Variants in SLC6A4 observed in about 807,000 individuals in gnomAD.
SLC6A4 encodes sodium-dependent serotonin transporter.
In SLC6A4, 22 loss-of-function variants were observed where a neutral mutation model predicts 73.4. The observed-to-expected ratio is 0.30, with a 90% CI of 0.21 to 0.43. The LOEUF (loss-of-function observed/expected upper bound fraction) is 0.43. Among genes scored for constraint, SLC6A4 ranks in the 20% least tolerant of loss-of-function variants. The pLI, the probability that SLC6A4 is intolerant of heterozygous loss-of-function variation, is 1.00. For synonymous variants in SLC6A4, 270 were observed against 315.5 expected, an observed-to-expected ratio of 0.86 and a Z score of 1.53; for missense variants, 593 against 808.5, an observed-to-expected ratio of 0.73 and a Z score of 3.23.
At chr17:30,220,093 G>A (rs892609875) in intron 3 of SLC6A4, among the ~76,000 whole-genome samples, 2 of 152,148 alleles carry the variant, frequency 1.3e-5, no homozygotes, top group Admixed American at 1.3e-4. Context: ...GGCAGGAAGC[G>A]CTGAGCTTCC....
intron 5 of SLC6A4, among the ~76,000 whole-genome samples, chr17:30,217,622 T>C (rs1423151015): frequency 2.0e-5 from 3 of 151,954 alleles, no homozygotes; most frequent in African/African-American, 7.3e-5. Context: ...GTGTGGGGAG[T>C]TGGCTCCCTT....
In SLC6A4 at chr17:30,197,407, T is replaced by C. The variant is rs1905897791; in HGVS notation, c.*1049A>G. 6.6e-6 allele frequency: 1 copy of C among 152,418 alleles called. No homozygotes were observed. Among genetic ancestry groups the C allele is most frequent in the South Asian group, 2.1e-4 (1 of 4,816 alleles). 9.4% of individuals were successfully genotyped at this position (152,418 alleles called of 1,614,324 possible). ...AACCCAGTGCTAAACGAGAATCCGA[T>C]TTACCCTCCTCTCTTCACCGAGCAA... On this transcript the variant is annotated 3_prime_UTR_variant, in exon 15 of 15. Transcript: ENST00000650711.
chr17:30,215,666 A>T lies in SLC6A4; in HGVS notation c.1021T>A (p.Phe341Ile). 6.2e-7 allele frequency: 1 copy of T among 1,614,164 alleles called. No individual in the cohort carries two copies. Among genetic ancestry groups the T allele is most frequent in the Non-Finnish European group, 8.5e-7 (1 of 1,180,020 alleles). Residue 341 changes from phenylalanine (F) to isoleucine (I), a missense_variant, in exon 8 of 15, where the codon TTT (phenylalanine) becomes ATT (isoleucine). Physicochemically the swap from Phe to Ile is conservative, Grantham distance 21 (BLOSUM62 0). Coordinates refer to ENST00000650711, the MANE Select transcript of SLC6A4 (RefSeq NM_001045.6). ...CTAGCAAAAGCCAGCAGGACCCCAA[A>T]GCCCGGACCAAGAGAGAAGAAGATC... ...AQIFFSLGPG[F>I]GVLLAFASYN... is the part of the protein sequence containing the mutation.
chr17:30,203,400 T>C, intron 13 of SLC6A4, 61 bp from the exon 14 acceptor site: 1 of 1,374,842 alleles, frequency 7.3e-7, no homozygotes, highest in South Asian at 1.2e-5. Flanking sequence ...GATAGAGATG[T>C]TTCCGATACC....
intron 8 of SLC6A4, 85 bp from the exon 9 acceptor site, chr17:30,212,952 T>G (rs975266676): frequency 5.5e-6 from 8 of 1,455,420 alleles, no homozygotes; most frequent in Non-Finnish European, 7.6e-6. Context: ...CTGCCCTGCC[T>G]TAGACAGGGC....
intron 12 of SLC6A4, among the ~76,000 whole-genome samples, chr17:30,208,518 T>C (rs925653776): frequency 6.6e-6 from 1 of 151,800 alleles, no homozygotes; most frequent in African/African-American, 2.4e-5. Context: ...TCTATGGAGA[T>C]TCACACACTT....
intron 4 of SLC6A4, 91 bp from the exon 5 acceptor site, chr17:30,218,428 G>T: frequency 1.0e-6 from 1 of 965,820 alleles, no homozygotes; most frequent in Non-Finnish European, 1.6e-6. Flanking sequence ...GAGCCCCGCA[G>T]CCCAGCAGAG....
At chr17:30,202,534 C>T (rs1377995543) in intron 14 of SLC6A4, among the ~76,000 whole-genome samples, 5 of 152,164 alleles carry the variant, frequency 3.3e-5, no homozygotes, top group Non-Finnish European at 7.3e-5. Context: ...ATAGGATAAT[C>T]GACATGCAGA....
rs56316081 is a variant in SLC6A4 at position 30,221,637 on chromosome 17, T to C, written c.322A>G (p.Ile108Val). The C allele has an allele frequency of 2.2e-5, 36 of 1,613,970 alleles. No homozygotes were observed. In the East Asian group the frequency reaches 6.9e-4, roughly 31 times the overall value. Residue 108 changes from isoleucine to valine, a missense_variant, in exon 3 of 15, where the codon ATA becomes GTA. Coordinates refer to ENST00000650711, the MANE Select transcript of SLC6A4 (RefSeq NM_001045.6). ...TGACCCCCTCCATTCTGGTAACATATGTAGGGGAAGCGCCAGACATTGCCC... is the reference window on the plus strand; with the variant it reads ...TGACCCCCTCCATTCTGGTAACATACGTAGGGGAAGCGCCAGACATTGCCC... ...DLGNVWRFPY[I>V]CYQNGGGAFL...
intron 1 of SLC6A4, among the ~76,000 whole-genome samples, chr17:30,233,202 G>A (rs1907166257): frequency 6.6e-6 from 1 of 152,172 alleles, no homozygotes; most frequent in South Asian, 2.1e-4. Flanking sequence ...TATGTTCCAT[G>A]GAACACCGCA....
intron 4 of SLC6A4, 107 bp from the exon 5 acceptor site, chr17:30,218,444 C>T (rs1217634327): frequency 4.8e-6 from 4 of 827,042 alleles, no homozygotes; most frequent in Non-Finnish European, 5.9e-6. Context: ...CAGAGGGGTA[C>T]ACGTGGGTGC....
At position 30,194,973 on chromosome 17, in the gene SLC6A4, G is replaced by A. The variant is rs979249776; in HGVS notation, c.*3483C>T. 1 of 152,186 alleles carries A rather than the reference G, an allele frequency of 6.6e-6. No homozygotes were observed. The highest frequency in any genetic ancestry group is 2.4e-5 in the African/African-American group (1 of 41,438). The allele number at this position is 152,186 out of a possible 1,614,324, so 9.4% of individuals were successfully genotyped here. On this transcript the variant is annotated 3_prime_UTR_variant, in exon 15 of 15. Transcript: ENST00000650711. Reference sequence around the variant, plus strand: ...TGGCTGGTGAAGAAAGTTTATTTTAGTAGCTTTAAAAAAATACTTGCATTG... The same window carrying A: ...TGGCTGGTGAAGAAAGTTTATTTTAATAGCTTTAAAAAAATACTTGCATTG...
chr17:30,207,682 G>A (rs1906250034), intron 13 of SLC6A4, 50 bp downstream of exon 13: 1 of 1,203,900 alleles, frequency 8.3e-7, no homozygotes, highest in Admixed American at 1.7e-5. Flanking sequence ...TTATGTGTCT[G>A]GGGGAAGTCT....
At chr17:30,219,875 T>C (rs1387144123) in intron 3 of SLC6A4, among the ~76,000 whole-genome samples, 1 of 152,202 alleles carries the variant, frequency 6.6e-6, no homozygotes, top group Non-Finnish European at 1.5e-5. Context: ...CCATGTAATT[T>C]ACAGTCACAC....
chr17:30,200,878 C>A (rs1252706254), intron 14 of SLC6A4, among the ~76,000 whole-genome samples: 1 of 152,104 alleles, frequency 6.6e-6, no homozygotes, highest in East Asian at 1.9e-4. Flanking sequence ...GCCTCCCAGG[C>A]TCAAGCAATT....
In SLC6A4 at chr17:30,229,933, A is replaced by G. The variant is rs539297059; in HGVS notation, c.-221+5680T>C. On this transcript the variant is annotated intron_variant, in intron 1 of 14. Transcript: ENST00000650711. ...CTTTTAGAGGCTGAGGCAGGAGAAT[A>G]GCTTGAACCCAGGAGGCAGAGGTTG... 2.3e-3 allele frequency among the ~76,000 whole-genome samples: 349 copies of G among 151,920 alleles called. 1 individual carries two copies. The highest frequency in any genetic ancestry group is 8.3e-3 in the African/African-American group (343 of 41,486).
At chr17:30,230,098 G>GAAGAAGAGGAA (rs1555591454) in intron 1 of SLC6A4, among the ~76,000 whole-genome samples, 30 of 89,624 alleles carry the variant, frequency 3.3e-4, no homozygotes, top group South Asian at 1.2e-3. Context: ...AAGAAGAAGA[G>GAAGAAGAGGAA]GAGGAAGAGG....
Position 30,222,053 on chromosome 17 carries a change from T to C in SLC6A4, c.-95A>G. The C allele has an allele frequency of 6.3e-7, 1 of 1,590,542 alleles. No homozygotes were observed. Among genetic ancestry groups the C allele is most frequent in the Non-Finnish European group, 8.6e-7 (1 of 1,168,680 alleles). Reference sequence around the variant, plus strand: ...TTGTGGATCACCTCCGAGCTCTCTATCGTCGGGATTGACACGTCGGGATTG... The same window carrying C: ...TTGTGGATCACCTCCGAGCTCTCTACCGTCGGGATTGACACGTCGGGATTG... On this transcript the variant is annotated 5_prime_UTR_variant, in exon 3 of 15. Coordinates refer to ENST00000650711, the MANE Select transcript of SLC6A4 (RefSeq NM_001045.6).
chr17:30,210,737 T>C, intron 10 of SLC6A4, 91 bp from the exon 11 acceptor site: 1 of 1,410,042 alleles, frequency 7.1e-7, no homozygotes, highest in Non-Finnish European at 9.6e-7. Flanking sequence ...GTAAGGTTGC[T>C]AAGTGACTGG....
Sources: gnomAD v4.1 joint callset for allele counts (sites outside exome capture counted in the v4.1 genomes callset) on GRCh38, gnomAD v4.1.1 for gene constraint, MANE v1.5 for transcripts, NCBI Gene and HGNC (gene_info 2026-07-23, HGNC 2026-07-21) for gene names.